The following PRKAR1A variants were observed in gnomAD, a reference collection of about 807,000 sequenced individuals.
PRKAR1A encodes the protein protein kinase cAMP-dependent type I regulatory subunit alpha.
PRKAR1A carries 3 observed loss-of-function variants against 52.0 expected under a neutral mutation model. The ratio of observed to expected loss-of-function variants is 0.06; its 90% confidence interval spans 0.03 to 0.15. The LOEUF (loss-of-function observed/expected upper bound fraction) is 0.15, where lower values mean the gene tolerates loss of function less well. PRKAR1A is among the 10% of genes least tolerant of loss of function. The pLI is 1.00. For synonymous variants in PRKAR1A, 188 were observed against 168.4 expected, an observed-to-expected ratio of 1.12 and a Z score of -0.90; for missense variants, 240 against 477.4, an observed-to-expected ratio of 0.50 and a Z score of 4.63.
chr17:68,474,393 C>T, the PRKAR1A span, among the ~76,000 whole-genome samples: 1 of 152,148 alleles, frequency 6.6e-6, no homozygotes, highest in Non-Finnish European at 1.5e-5. Context: ...TTGGACTCCC[C>T]AGGCGTGTAC....
At chr17:68,522,673 T>G in intron 2 of PRKAR1A, 83 bp from the exon 3 acceptor site, 6 of 1,438,744 alleles carry the variant, frequency 4.2e-6, no homozygotes, top group Non-Finnish European at 5.8e-6. Flanking sequence ...TGGAAGTGAC[T>G]GAGATAGACT....
chr17:68,540,739 AG>A lies in PRKAR1A; in HGVS notation c.974-10344del, dbSNP rs1270513920. Reference sequence around the variant, plus strand: ...ACTTCTGAGGCTGTGGGAGGTGCAGAGTTACTCAGTCCTCATGAACCAGGTT... The same window carrying A: ...ACTTCTGAGGCTGTGGGAGGTGCAGATTACTCAGTCCTCATGAACCAGGTT... On this transcript the variant is annotated intron_variant, in intron 11 of 11. Coordinates refer to the PRKAR1A transcript ENST00000585981. The A allele has an allele frequency of 2.3e-6, 3 of 1,333,328 alleles. No individual in the cohort carries two copies. The East Asian group carries it at 7.6e-5, about 34-fold the overall frequency. 82.6% of individuals were successfully genotyped at this position (1,333,328 alleles called of 1,614,324 possible).
chr17:68,497,358 GA>G, the PRKAR1A span, among the ~76,000 whole-genome samples: 1 of 151,836 alleles, frequency 6.6e-6, no homozygotes, highest in Non-Finnish European at 1.5e-5. Flanking sequence ...ACCGTTGACA[GA>G]AAAAAAATTG....
chr17:68,430,301 G>T, the PRKAR1A span: 1 of 779,548 alleles, frequency 1.3e-6, no homozygotes, highest in Non-Finnish European at 2.0e-6. Context: ...TGCCCACTGA[G>T]AACAATCCAG....
the PRKAR1A span, among the ~76,000 whole-genome samples, chr17:68,467,594 G>T: frequency 6.6e-6 from 1 of 152,184 alleles, no homozygotes; most frequent in Admixed American, 6.5e-5. Flanking sequence ...GTACTCTCAA[G>T]ATCCCTGTGC....
intron 2 of PRKAR1A, among the ~76,000 whole-genome samples, chr17:68,521,085 G>GCA (rs1429734324): frequency 6.6e-6 from 1 of 152,176 alleles, no homozygotes; most frequent in African/African-American, 2.4e-5. Flanking sequence ...GGGGCTACAG[G>GCA]TGCCTGCCAC....
chr17:68,543,242 G>T (rs2086389589), intron 11 of PRKAR1A, among the ~76,000 whole-genome samples: 1 of 152,076 alleles, frequency 6.6e-6, no homozygotes, highest in African/African-American at 2.4e-5. Flanking sequence ...GGGTAGCAAT[G>T]ACTGAGCAAA....
chr17:68,525,635 A>G (rs577720215), intron 6 of PRKAR1A, 119 bp from the exon 7 acceptor site: 36 of 1,107,554 alleles, frequency 3.3e-5, no homozygotes, highest in Non-Finnish European at 4.8e-5. Context: ...CAAACATAAT[A>G]TATTCTGTTT....
chr17:68,427,594 T>C, the PRKAR1A span: 49 of 181,766 alleles, frequency 2.7e-4, no homozygotes, highest in African/African-American at 1.1e-3. Context: ...TGACCTCAGG[T>C]GATCCGCCCG....
At chr17:68,488,734 C>CAAAAAA in the PRKAR1A span, among the ~76,000 whole-genome samples, 14 of 42,736 alleles carry the variant, frequency 3.3e-4, no homozygotes, top group South Asian at 1.6e-3. Flanking sequence ...CATCTCAAAA[C>CAAAAAA]AAAAAAAAAA....
At chr17:68,501,483 T>A in the PRKAR1A span, among the ~76,000 whole-genome samples, 19,069 of 152,218 alleles carry the variant, frequency 0.13, 1,234 homozygotes, top group Middle Eastern at 0.16. Flanking sequence ...TGAGACACGG[T>A]CTTGCTATAT....
At chr17:68,457,324 G>C in the PRKAR1A span, 1 of 1,541,860 alleles carries the variant, frequency 6.5e-7, no homozygotes, top group Non-Finnish European at 8.7e-7. Context: ...CCCTGGCAGG[G>C]GCCGAGTCGC....
At chr17:68,533,655 A>G (rs1030296959), downstream of PRKAR1A, among the ~76,000 whole-genome samples, 3 of 152,232 alleles carry the variant, frequency 2.0e-5, no homozygotes, top group African/African-American at 7.2e-5. Flanking sequence ...TAGATGGGCT[A>G]AGACAACATC....
At chr17:68,421,916 G>A in the PRKAR1A span, 1 of 1,500,888 alleles carries the variant, frequency 6.7e-7, no homozygotes, top group Non-Finnish European at 9.3e-7. Context: ...AGAGTGAGCA[G>A]GGAGAGGCTG....
chr17:68,527,941 AC>A, intron 8 of PRKAR1A, 41 bp downstream of exon 8: 2 of 1,509,468 alleles, frequency 1.3e-6, no homozygotes, highest in Non-Finnish European at 1.8e-6. Context: ...TATGTGAGAT[AC>A]CCCTGAATTA....
upstream of PRKAR1A, chr17:68,512,194 T>G (rs1403500495): frequency 6.5e-6 from 1 of 153,318 alleles, no homozygotes; most frequent in Non-Finnish European, 1.5e-5. Flanking sequence ...CTAGGGAGAC[T>G]GCGGAAAGGA....
At chr17:68,494,791 T>A in the PRKAR1A span, among the ~76,000 whole-genome samples, 1 of 152,008 alleles carries the variant, frequency 6.6e-6, no homozygotes, top group East Asian at 1.9e-4. Flanking sequence ...GACCAGCCCA[T>A]CCTCCAGGTG....
chr17:68,543,912 G>A (rs1442764770), intron 11 of PRKAR1A, among the ~76,000 whole-genome samples: 1 of 152,184 alleles, frequency 6.6e-6, no homozygotes, highest in Non-Finnish European at 1.5e-5. Context: ...AAAGTGGGAG[G>A]AGACAGGCTT....
chr17:68,545,528 C>T lies in PRKAR1A; in HGVS notation c.974-5556C>T, dbSNP rs554125315. 2.6e-5 allele frequency among the ~76,000 whole-genome samples: 4 copies of T among 152,356 alleles called. No homozygotes were observed. The East Asian group carries it at 7.7e-4, about 29-fold the overall frequency. On this transcript the variant is annotated intron_variant, in intron 11 of 11. Coordinates refer to the PRKAR1A transcript ENST00000585981. The stretch of plus-strand genomic sequence containing the variant: ...TTTATTGCTAAAAAATGCTAACACT[C>T]TTCTGAGCCTTCAGCAAGTCATAAT...
Sources: gnomAD v4.1 joint callset for allele counts (sites outside exome capture counted in the v4.1 genomes callset) on GRCh38, gnomAD v4.1.1 for gene constraint, MANE v1.5 for transcripts, NCBI Gene and HGNC (gene_info 2026-07-23, HGNC 2026-07-21) for gene names.